The following ARID1B variants were observed in gnomAD, a reference collection of about 807,000 sequenced individuals.
ARID1B encodes AT-rich interaction domain 1B, also known as AT-rich interactive domain-containing protein 1B.
Under a neutral mutation model 212.3 loss-of-function variants are expected in ARID1B, and 30 were observed. The observed-to-expected ratio is 0.14, with a 90% CI of 0.11 to 0.19. The LOEUF (loss-of-function observed/expected upper bound fraction) is 0.19, where lower values mean the gene tolerates loss of function less well. ARID1B is among the 10% of genes least tolerant of loss of function. The pLI is 1.00. For missense variants in ARID1B, 2,891 were observed against 3,204.0 expected (o/e 0.90, Z 2.36); for synonymous variants, 1,402 against 1,301.7 (o/e 1.08, Z -1.66).
At chr6:156,916,980 G>A (rs1392542116) in intron 3 of ARID1B, among the ~76,000 whole-genome samples, 1 of 152,144 alleles carries the variant, frequency 6.6e-6, no homozygotes, top group Non-Finnish European at 1.5e-5. Flanking sequence ...TCTTGTGACC[G>A]AGGTCTTCTG....
chr6:156,872,983 C>T (rs1786267650), intron 2 of ARID1B, among the ~76,000 whole-genome samples: 1 of 152,216 alleles, frequency 6.6e-6, no homozygotes, highest in South Asian at 2.1e-4. Context: ...GACCCCTCTA[C>T]TCTTCCTTCC....
chr6:157,134,119 T>A (rs1303947300), intron 7 of ARID1B, among the ~76,000 whole-genome samples: 4 of 152,232 alleles, frequency 2.6e-5, no homozygotes, highest in Non-Finnish European at 5.9e-5. Flanking sequence ...ACTGGGAAAC[T>A]GTAGTAAAAT....
intron 2 of ARID1B, among the ~76,000 whole-genome samples, chr6:156,861,183 G>T (rs565052976): frequency 2.8e-4 from 42 of 152,312 alleles, no homozygotes; most frequent in African/African-American, 8.4e-4. Context: ...GTGTTTGGTG[G>T]TGGGGAGGGG....
intron 9 of ARID1B, 113 bp downstream of exon 9, chr6:157,167,298 T>A: frequency 7.5e-7 from 1 of 1,333,580 alleles, no homozygotes; most frequent in East Asian, 2.4e-5. Flanking sequence ...TTGGCGAAAG[T>A]GGGAATCATA....
chr6:157,039,838 TTCTC>T (rs1234017967), intron 4 of ARID1B, among the ~76,000 whole-genome samples: 4 of 101,342 alleles, frequency 3.9e-5, no homozygotes, highest in South Asian at 2.9e-4. Context: ...CTCTCTTTCT[TTCTC>T]TCTCTTTCTC....
At chr6:157,194,397 T>A (rs915963676) in intron 15 of ARID1B, 1 of 152,254 alleles carries the variant, frequency 6.6e-6, no homozygotes, top group African/African-American at 2.4e-5. Context: ...TCTACCAGCC[T>A]AACAAAATGT....
intron 4 of ARID1B, chr6:157,022,367 A>G (rs1712481577): frequency 6.6e-6 from 1 of 152,316 alleles, no homozygotes; most frequent in African/African-American, 2.4e-5. Flanking sequence ...ATTTTTTAAA[A>G]GCCGAGAAAC....
intron 4 of ARID1B, among the ~76,000 whole-genome samples, chr6:157,070,495 G>A (rs1382205156): frequency 6.6e-6 from 1 of 152,096 alleles, no homozygotes; most frequent in African/African-American, 2.4e-5. Flanking sequence ...ACACAGCTGT[G>A]CTTTGCTCAG....
intron 6 of ARID1B, chr6:157,110,894 C>T: frequency 2.8e-6 from 1 of 354,866 alleles, no homozygotes; most frequent in Non-Finnish European, 5.3e-6. Flanking sequence ...ACTAGGGTAT[C>T]AGTCCCAATG....
intron 4 of ARID1B, among the ~76,000 whole-genome samples, chr6:157,003,487 A>G (rs1324293540): frequency 2.0e-5 from 3 of 152,202 alleles, no homozygotes; most frequent in East Asian, 1.9e-4. Flanking sequence ...AAGAAAAGCA[A>G]GAAGATCCAC....
intron 4 of ARID1B, among the ~76,000 whole-genome samples, chr6:157,030,971 C>G (rs570180151): frequency 4.7e-4 from 72 of 152,184 alleles, no homozygotes; most frequent in Admixed American, 2.2e-3. Flanking sequence ...AAGCCATGTC[C>G]TTCAGCCGTC....
At chr6:156,976,736 C>T in intron 4 of ARID1B, 1 of 476,170 alleles carries the variant, frequency 2.1e-6, no homozygotes, top group South Asian at 1.6e-5. Context: ...CTGTAACACT[C>T]ACCGTGAAGG....
At chr6:157,083,046 A>G (rs1021258954) in intron 4 of ARID1B, among the ~76,000 whole-genome samples, 1 of 152,184 alleles carries the variant, frequency 6.6e-6, no homozygotes, top group African/African-American at 2.4e-5. Context: ...GTGACGTTTC[A>G]GGAAACCCTG....
At chr6:157,009,629 T>C (rs949407244) in intron 4 of ARID1B, among the ~76,000 whole-genome samples, 2 of 152,264 alleles carry the variant, frequency 1.3e-5, no homozygotes, top group African/African-American at 4.8e-5. Context: ...ATAGCTAATA[T>C]GACGCAAAAT....
chr6:157,139,607 G>A (rs141937806), intron 7 of ARID1B, among the ~76,000 whole-genome samples: 1 of 152,004 alleles, frequency 6.6e-6, no homozygotes, highest in African/African-American at 2.4e-5. Flanking sequence ...ATGGTTAGAC[G>A]CATTCGGTTC....
Position 157,136,638 on chromosome 6 carries a change from G to A in ARID1B, c.2761+3431G>A, listed in dbSNP as rs527841762. On this transcript the variant is annotated intron_variant, in intron 7 of 19. Transcript: ENST00000636930. Reference sequence around the variant, plus strand: ...GCACTTTGGGAGTCCGAGACGGGTGGATCACTTGAGGTCAGGAGTTCGAGA... The same window carrying A: ...GCACTTTGGGAGTCCGAGACGGGTGAATCACTTGAGGTCAGGAGTTCGAGA... Among the ~76,000 whole-genome samples, 3 of 152,314 alleles carry A rather than the reference G, an allele frequency of 2.0e-5. No individual in the cohort carries two copies. In the South Asian group the frequency reaches 6.2e-4, roughly 32 times the overall value.
chr6:157,040,337 G>A (rs764160061), intron 4 of ARID1B, among the ~76,000 whole-genome samples: 1 of 152,214 alleles, frequency 6.6e-6, no homozygotes. Flanking sequence ...ACTGGGAAAG[G>A]TAACTCAAGT....
intron 3 of ARID1B, among the ~76,000 whole-genome samples, chr6:156,931,239 T>C (rs1225822024): frequency 6.6e-6 from 1 of 152,100 alleles, no homozygotes; most frequent in Non-Finnish European, 1.5e-5. Context: ...CATGGGAATG[T>C]TTTCCCTTTT....
At position 156,859,947 on chromosome 6, in the gene ARID1B, T is replaced by TGAGA. The variant is rs150976755; in HGVS notation, c.1986+30539_1986+30542dup. On this transcript the variant is annotated intron_variant, in intron 2 of 19. Transcript: ENST00000636930. ...CAACCATTTGGTCTTGTCCTTATTT[T>TGAGA]GAGAGAGAGAGAGAGATTAATTTTA... Among the ~76,000 whole-genome samples, 5 of 151,604 alleles carry TGAGA rather than the reference T, an allele frequency of 3.3e-5. No homozygotes were observed. The East Asian group carries it at 7.7e-4, about 23-fold the overall frequency.
Sources: gnomAD v4.1 joint callset for allele counts (sites outside exome capture counted in the v4.1 genomes callset) on GRCh38, gnomAD v4.1.1 for gene constraint, MANE v1.5 for transcripts, NCBI Gene and HGNC (gene_info 2026-07-23, HGNC 2026-07-21) for gene names.